The following PTPRN2 variants were observed in gnomAD, a reference collection of about 807,000 sequenced individuals.
PTPRN2 encodes receptor-type tyrosine-protein phosphatase N2.
PTPRN2 carries 74 observed loss-of-function variants against 118.8 expected under a neutral mutation model. The observed-to-expected ratio is 0.62, with a 90% confidence interval of 0.52 to 0.76. The LOEUF is 0.76. PTPRN2 is among the 30% of genes least tolerant of loss of function. The pLI is 0.00. For missense variants in PTPRN2, 1,481 were observed against 1,394.4 expected, an observed-to-expected ratio of 1.06 and a Z score of -0.99; for synonymous variants, 641 against 608.0, an observed-to-expected ratio of 1.05 and a Z score of -0.80.
intron 12 of PTPRN2, among the ~76,000 whole-genome samples, chr7:157,824,914 C>T (rs546825426): frequency 5.3e-5 from 8 of 152,292 alleles, no homozygotes; most frequent in Admixed American, 2.0e-4. Context: ...AGGCGGATCA[C>T]GAGCGGCACC....
intron 2 of PTPRN2, among the ~76,000 whole-genome samples, chr7:158,371,566 C>A (rs1340471663): frequency 6.6e-6 from 1 of 152,120 alleles, no homozygotes; most frequent in African/African-American, 2.4e-5. Context: ...ACATTGATGA[C>A]CTTGTGACGC....
Position 157,872,860 on chromosome 7 carries a change from G to T in PTPRN2, c.1788+25813C>A, listed in dbSNP as rs531046564. On this transcript the variant is annotated intron_variant, in intron 12 of 22. Transcript: ENST00000389418. The stretch of plus-strand genomic sequence containing the variant: ...GGTGCTTTCTGTGTGGGCCCTGTCT[G>T]CTGCTGCCTCTCCACAGCTCCCCTT... 5.3e-5 allele frequency among the ~76,000 whole-genome samples: 8 copies of T among 152,334 alleles called. No individual in the cohort carries two copies. The South Asian group carries it at 1.7e-3, about 32-fold the overall frequency.
At chr7:158,323,364 G>A (rs898803792) in intron 2 of PTPRN2, among the ~76,000 whole-genome samples, 3 of 152,120 alleles carry the variant, frequency 2.0e-5, no homozygotes, top group African/African-American at 7.2e-5. Flanking sequence ...GTTCTAGGAC[G>A]CAACCCCTTC....
chr7:158,134,158 A>G, intron 8 of PTPRN2, 99 bp from the exon 9 acceptor site: 1 of 1,366,958 alleles, frequency 7.3e-7, no homozygotes, highest in African/African-American at 1.4e-5. Flanking sequence ...TGTGGGGATG[A>G]CATGGGCAGC....
In PTPRN2 at chr7:157,944,681, A is replaced by T. The variant is rs775577987; in HGVS notation, c.1724-45944T>A. ...ATAGAGGCAAAAGTCCTGAGAAGGG[A>T]GTTGTTTTTAGTCACCAGGCCAGTG... On this transcript the variant is annotated intron_variant, in intron 11 of 22. Transcript: ENST00000389418. This position sits in a 1 kb window ranked among gnomAD's most constrained non-coding sequence, Gnocchi z 4.3. Among the ~76,000 whole-genome samples, 1 of 152,196 alleles carries T rather than the reference A, an allele frequency of 6.6e-6. No individual in the cohort carries two copies. The highest frequency in any genetic ancestry group is 1.5e-5 in the Non-Finnish European group (1 of 68,030).
intron 11 of PTPRN2, among the ~76,000 whole-genome samples, chr7:158,042,621 C>T (rs1335917327): frequency 1.3e-5 from 2 of 152,208 alleles, no homozygotes; most frequent in African/African-American, 2.4e-5. Context: ...TGCTGGTATC[C>T]TGCCTGCAAG....
At chr7:158,297,460 G>C (rs117183091) in intron 3 of PTPRN2, among the ~76,000 whole-genome samples, 2,005 of 152,306 alleles carry the variant, frequency 0.013, 25 homozygotes, top group Non-Finnish European at 0.022. Flanking sequence ...GCAACCCTCA[G>C]CCCATGACCT....
chr7:158,556,469 A>T (rs1827002638), intron 1 of PTPRN2, among the ~76,000 whole-genome samples: 1 of 151,860 alleles, frequency 6.6e-6, no homozygotes, highest in African/African-American at 2.4e-5. Context: ...CAGGAGAATC[A>T]CTTGAACTGG....
At chr7:158,128,137 A>C (rs923292133) in intron 9 of PTPRN2, among the ~76,000 whole-genome samples, 1 of 152,216 alleles carries the variant, frequency 6.6e-6, no homozygotes, top group African/African-American at 2.4e-5. Context: ...TTTTTAAAGA[A>C]TGCCATCTGT....
At chr7:157,993,939 C>T (rs1053852369) in intron 11 of PTPRN2, among the ~76,000 whole-genome samples, 5 of 152,232 alleles carry the variant, frequency 3.3e-5, no homozygotes, top group African/African-American at 4.8e-5. Flanking sequence ...TCCCTGCGCC[C>T]GTGTCTGGAG....
intron 2 of PTPRN2, among the ~76,000 whole-genome samples, chr7:158,439,692 G>T (rs2129432641): frequency 6.6e-6 from 1 of 152,296 alleles, no homozygotes; most frequent in Middle Eastern, 3.4e-3. Context: ...CATATTAAAT[G>T]CATCTTCCAT....
At chr7:158,032,483 G>GT (rs1807758711) in intron 11 of PTPRN2, among the ~76,000 whole-genome samples, 1 of 152,186 alleles carries the variant, frequency 6.6e-6, no homozygotes, top group Non-Finnish European at 1.5e-5. Context: ...GCCGGATGCA[G>GT]TGAGTGGCTC....
rs568416464 is a variant in PTPRN2, at chr7:157,592,530, T to C, written c.2496+2708A>G. Reference sequence around the variant, plus strand: ...TGTGGGCATCATCGTGGTCGTTGAGTGTGGACGCCGAGAGGCTTCACACAG... The same window carrying C: ...TGTGGGCATCATCGTGGTCGTTGAGCGTGGACGCCGAGAGGCTTCACACAG... On this transcript the variant is annotated intron_variant, in intron 17 of 22. Transcript: ENST00000389418. Among the ~76,000 whole-genome samples, 381 of 118,044 alleles carry C rather than the reference T, an allele frequency of 3.2e-3. 2 individuals carry two copies. Among genetic ancestry groups the C allele is most frequent in the African/African-American group, 0.011 (342 of 30,844 alleles). 77.4% of individuals were successfully genotyped at this position (118,044 alleles called of 152,430 possible).
At chr7:158,337,258 C>A (rs1463527616) in intron 2 of PTPRN2, among the ~76,000 whole-genome samples, 9 of 151,250 alleles carry the variant, frequency 6.0e-5, no homozygotes, top group African/African-American at 1.9e-4. Flanking sequence ...GAGCTGACAC[C>A]TGCAGACGTC....
chr7:158,404,504 G>C (rs1813197372), intron 2 of PTPRN2, among the ~76,000 whole-genome samples: 1 of 152,144 alleles, frequency 6.6e-6, no homozygotes, highest in Non-Finnish European at 1.5e-5. Flanking sequence ...CGTGAGGACG[G>C]GGGCTCCCCA....
At chr7:158,171,046 T>C (rs1164818160) in intron 5 of PTPRN2, among the ~76,000 whole-genome samples, 2 of 88,350 alleles carry the variant, frequency 2.3e-5, no homozygotes, top group South Asian at 3.5e-4. Context: ...TACACATACA[T>C]ATATATACAC....
At chr7:157,843,175 A>ATGTGTGAGAACCCCTGC (rs1808559397) in intron 12 of PTPRN2, among the ~76,000 whole-genome samples, 1 of 152,234 alleles carries the variant, frequency 6.6e-6, no homozygotes, top group African/African-American at 2.4e-5. Context: ...TAGCCTTCAA[A>ATGTGTGAGAACCCCTGC]TGTGTGAGAA....
At chr7:157,553,785 C>T (rs910266601) in intron 21 of PTPRN2, among the ~76,000 whole-genome samples, 1 of 152,246 alleles carries the variant, frequency 6.6e-6, no homozygotes, top group East Asian at 1.9e-4. Flanking sequence ...CTGCTGTGGA[C>T]GGCTCCTGCT....
chr7:158,535,599 G>A (rs1359654934), intron 1 of PTPRN2, among the ~76,000 whole-genome samples: 1 of 152,082 alleles, frequency 6.6e-6, no homozygotes, highest in Non-Finnish European at 1.5e-5. Flanking sequence ...AGGACTTCTT[G>A]TAGCATTCAG....
Sources: allele counts gnomAD v4.1 joint callset (sites outside exome capture counted in the v4.1 genomes callset), GRCh38; gene constraint gnomAD v4.1.1; non-coding constraint Gnocchi (gnomAD v3.1); transcripts MANE v1.5; gene names NCBI Gene and HGNC (gene_info 2026-07-23, HGNC 2026-07-21).